MGST1: variants seen among roughly 807,000 people sequenced by gnomAD.
MGST1 encodes glutathione S-transferase 12.
A neutral mutation model predicts 8.9 loss-of-function variants in MGST1; 5 were observed. The observed-to-expected ratio is 0.56, with a 90% CI of 0.29 to 1.19. The LOEUF (loss-of-function observed/expected upper bound fraction) is 1.19, where lower values mean the gene tolerates loss of function less well. Among genes scored for constraint, MGST1 ranks in the 50% most tolerant of loss-of-function variants. The pLI is 0.08. For synonymous variants in MGST1, 54 were observed against 67.8 expected (o/e 0.80, Z 1.00); for missense variants, 182 against 187.4 (o/e 0.97, Z 0.17).
At chr12:16,420,058 T>C (rs1034464487) in intron 1 of MGST1, among the ~76,000 whole-genome samples, 7 of 152,224 alleles carry the variant, frequency 4.6e-5, no homozygotes, top group Non-Finnish European at 7.3e-5. Context: ...AAAACATTTA[T>C]GTTAACAATT....
At chr12:16,575,022 AAC>A (rs1260052790) in intron 4 of MGST1, among the ~76,000 whole-genome samples, 1 of 152,184 alleles carries the variant, frequency 6.6e-6, no homozygotes, top group Non-Finnish European at 1.5e-5. Flanking sequence ...AAAAGAAACA[AAC>A]ACAAAACACA....
chr12:16,520,530 G>GCATACAGTTATTATATTT (rs1941641963), intron 4 of MGST1, among the ~76,000 whole-genome samples: 1 of 152,160 alleles, frequency 6.6e-6, no homozygotes, highest in Non-Finnish European at 1.5e-5. Flanking sequence ...CTATGACTGT[G>GCATACAGTTATTATATTT]AAGCAGGTTC....
In MGST1 at chr12:16,535,069, C is replaced by T. The variant is rs76192183; in HGVS notation, n.483-54459C>T. The stretch of plus-strand genomic sequence containing the variant: ...TCTGGTCCCCCTTAGGGTTTGACTC[C>T]CTTATAGGCACCATTTCTGGTTCTC... On this transcript the variant is annotated intron_variant and non_coding_transcript_variant, in intron 4 of 4. Transcript: ENST00000538857. Among the ~76,000 whole-genome samples the T allele has an allele frequency of 6.9e-3, 1,043 of 152,252 alleles. 16 individuals are homozygous for T. Among genetic ancestry groups the T allele is most frequent in the African/African-American group, 0.024 (997 of 41,538 alleles).
chr12:16,541,837 G>T (rs1941795109), intron 4 of MGST1, among the ~76,000 whole-genome samples: 1 of 152,062 alleles, frequency 6.6e-6, no homozygotes, highest in South Asian at 2.1e-4. Context: ...AATAAAATTC[G>T]TAAGTTTCGG....
intron 1 of MGST1, among the ~76,000 whole-genome samples, chr12:16,436,048 C>T (rs974773289): frequency 6.6e-6 from 1 of 151,606 alleles, no homozygotes; most frequent in African/African-American, 2.4e-5. Context: ...GGTTTCTTGG[C>T]TCCACTAAAA....
At chr12:16,566,701 TTTA>T (rs929932358) in intron 4 of MGST1, among the ~76,000 whole-genome samples, 120 of 152,292 alleles carry the variant, frequency 7.9e-4, no homozygotes, top group African/African-American at 2.7e-3. Context: ...AATATTTTTC[TTTA>T]TTAACACATA....
chr12:16,550,406 G>A (rs1022229109), intron 4 of MGST1: 6 of 152,236 alleles, frequency 3.9e-5, no homozygotes, highest in Admixed American at 2.6e-4. Flanking sequence ...AAGGGGTGTG[G>A]CTGAAAAAGC....
intron 4 of MGST1, among the ~76,000 whole-genome samples, chr12:16,481,706 A>G (rs1350847864): frequency 6.6e-6 from 1 of 152,152 alleles, no homozygotes; most frequent in African/African-American, 2.4e-5. Context: ...CAGCACAAAG[A>G]GAAAAAGGGA....
intron 1 of MGST1, among the ~76,000 whole-genome samples, chr12:16,352,771 G>A (rs996811815): frequency 1.3e-5 from 2 of 152,102 alleles, no homozygotes; most frequent in African/African-American, 4.8e-5. Flanking sequence ...ATCATGTAAA[G>A]CTAATTCTCC....
At chr12:16,468,602 A>G (rs1941270511) in intron 4 of MGST1, among the ~76,000 whole-genome samples, 2 of 152,334 alleles carry the variant, frequency 1.3e-5, no homozygotes, top group East Asian at 3.9e-4. Flanking sequence ...ATTTCATCAA[A>G]ATATGGAATG....
At chr12:16,418,480 T>C (rs1039999853) in intron 1 of MGST1, among the ~76,000 whole-genome samples, 1 of 152,186 alleles carries the variant, frequency 6.6e-6, no homozygotes, top group Admixed American at 6.5e-5. Flanking sequence ...TTTATAATGC[T>C]CATTATTCTC....
intron 1 of MGST1, among the ~76,000 whole-genome samples, chr12:16,387,693 A>AT (rs1483432166): frequency 6.6e-6 from 1 of 151,758 alleles, no homozygotes; most frequent in East Asian, 2.0e-4. Flanking sequence ...CGCCTGGCTA[A>AT]TTTTTTGTAT....
intron 3 of MGST1, among the ~76,000 whole-genome samples, chr12:16,373,669 A>AT (rs2137027505): frequency 6.6e-6 from 1 of 152,160 alleles, no homozygotes; most frequent in African/African-American, 2.4e-5. Context: ...GGATACTGAA[A>AT]TTTCTCTCAT....
chr12:16,516,240 G>A (rs1490491592), intron 4 of MGST1, among the ~76,000 whole-genome samples: 2 of 152,118 alleles, frequency 1.3e-5, no homozygotes, highest in Non-Finnish European at 2.9e-5. Context: ...TTACATCCTA[G>A]CTCAAGCTAT....
chr12:16,445,997 T>C (rs572568659), intron 4 of MGST1, among the ~76,000 whole-genome samples: 72 of 152,072 alleles, frequency 4.7e-4, no homozygotes, highest in African/African-American at 1.7e-3. Context: ...TTACTCTAAT[T>C]GGCATGTATG....
chr12:16,436,932 A>T (rs896099553), intron 1 of MGST1, among the ~76,000 whole-genome samples: 1 of 151,994 alleles, frequency 6.6e-6, no homozygotes, highest in East Asian at 1.9e-4. Flanking sequence ...GCCTTCAAAG[A>T]GCTTAAACTG....
chr12:16,589,358 T>C lies in MGST1; in HGVS notation n.483-170T>C, dbSNP rs1445522635. Among the ~76,000 whole-genome samples the C allele has an allele frequency of 1.3e-5, 2 of 152,146 alleles. No homozygotes were observed. The highest frequency in any genetic ancestry group is 3.9e-4 in the East Asian group (2 of 5,186). Reference sequence around the variant, plus strand: ...AACACATGATGAGACATTTAAAATATACTGTACATATTACTATGAGTGCAG... The same window carrying C: ...AACACATGATGAGACATTTAAAATACACTGTACATATTACTATGAGTGCAG... On this transcript the variant is annotated intron_variant and non_coding_transcript_variant, in intron 4 of 4. Transcript: ENST00000538857. The surrounding 1 kb of genome is among the most constrained non-coding windows in gnomAD (Gnocchi z 4.2).
chr12:16,397,821 A>G lies in MGST1; in HGVS notation n.778+14217A>G. On this transcript the variant is annotated intron_variant and non_coding_transcript_variant, in intron 1 of 1. Transcript: ENST00000359720. Reference sequence around the variant, plus strand: ...TGCTGTATATATTTAAGTGTCAAGTAAAATATTTAATATAAATTTAATAAT... The same window carrying G: ...TGCTGTATATATTTAAGTGTCAAGTGAAATATTTAATATAAATTTAATAAT... Among the ~76,000 whole-genome samples the G allele has an allele frequency of 1.3e-5, 2 of 149,632 alleles. 1 individual carries two copies. Among genetic ancestry groups the G allele is most frequent in the Non-Finnish European group, 3.0e-5 (2 of 67,498 alleles).
chr12:16,468,308 G>C (rs1400821652), intron 4 of MGST1, among the ~76,000 whole-genome samples: 1 of 152,202 alleles, frequency 6.6e-6, no homozygotes, highest in Non-Finnish European at 1.5e-5. Context: ...TACATATGCA[G>C]ATTCACAAGT....
Sources: gnomAD v4.1 joint callset for allele counts (sites outside exome capture counted in the v4.1 genomes callset) on GRCh38, gnomAD v4.1.1 for gene constraint, Gnocchi (gnomAD v3.1) non-coding constraint, MANE v1.5 for transcripts, NCBI Gene and HGNC (gene_info 2026-07-23, HGNC 2026-07-21) for gene names.